Variants in STYXL2 observed in about 807,000 individuals in gnomAD.
STYXL2 encodes the protein serine/threonine/tyrosine-interacting-like protein 2.
A neutral mutation model predicts 52.4 loss-of-function variants in STYXL2; 44 were observed. The ratio of observed to expected loss-of-function variants is 0.84; its 90% CI spans 0.66 to 1.08. The LOEUF (loss-of-function observed/expected upper bound fraction) is 1.08, where lower values mean the gene tolerates loss of function less well. STYXL2 is among the 50% of genes least tolerant of loss of function. The probability of loss-of-function intolerance (pLI) is 0.00; values close to 1 mark genes in which losing one functional copy is unlikely to be tolerated. For synonymous variants in STYXL2, 604 were observed against 586.9 expected, an observed-to-expected ratio of 1.03 and a Z score of -0.42; for missense variants, 1,604 against 1,471.7, an observed-to-expected ratio of 1.09 and a Z score of -1.47.
chr1:167,101,010 A>C (rs1384051737), intron 2 of STYXL2, among the ~76,000 whole-genome samples: 1 of 152,242 alleles, frequency 6.6e-6, no homozygotes, highest in Non-Finnish European at 1.5e-5. Flanking sequence ...ATGAGTCTAC[A>C]GTGCTTTTTA....
In STYXL2 at chr1:167,113,700, C is replaced by T. The variant is rs1409970098; in HGVS notation, c.111-10C>T. On this transcript the variant is annotated splice_polypyrimidine_tract_variant and intron_variant, in intron 2 of 5. Coordinates refer to ENST00000361200, the MANE Select transcript of STYXL2 (RefSeq NM_001080426.3). ...CAGGCTTATCTCACGTGAATATCCT[C>T]TTCCCTTAGGTATTCGATGGTCTCA... 6.2e-7 allele frequency: 1 copy of T among 1,601,390 alleles called. No individual in the cohort carries two copies. Among genetic ancestry groups the T allele is most frequent in the East Asian group, 2.2e-5 (1 of 44,864 alleles).
Position 167,127,512 on chromosome 1 carries a change from A to T in STYXL2, c.2381A>T (p.Asp794Val). Residue 794 changes from aspartate (D) to valine (V), a missense_variant, in exon 6 of 6, where the codon GAC becomes GTC. By Grantham distance (152) the Asp-to-Val change is radical (BLOSUM62 -3). Transcript: ENST00000361200. ...LPQSQARPSS[D>V]MQSVLSCNTT... ...CAGAGCCAGGCAAGACCCAGCTCTGACATGCAGTCTGTGCTGTCCTGCAAC... is the reference window on the plus strand; with the variant it reads ...CAGAGCCAGGCAAGACCCAGCTCTGTCATGCAGTCTGTGCTGTCCTGCAAC... 1 of 1,614,080 alleles carries T rather than the reference A, an allele frequency of 6.2e-7. No homozygotes were observed. Among genetic ancestry groups the T allele is most frequent in the Non-Finnish European group, 8.5e-7 (1 of 1,179,998 alleles).
intron 3 of STYXL2, among the ~76,000 whole-genome samples, chr1:167,114,758 A>T (rs1281863223): frequency 6.6e-6 from 1 of 151,480 alleles, no homozygotes; most frequent in Non-Finnish European, 1.5e-5. Context: ...GCTTTGGGGG[A>T]TTTTTTTTCT....
intron 5 of STYXL2, among the ~76,000 whole-genome samples, chr1:167,122,516 AC>A (rs1479616789): frequency 6.6e-6 from 1 of 152,078 alleles, no homozygotes; most frequent in African/African-American, 2.4e-5. Context: ...GGAGGGGGAT[AC>A]CTTCTGAAGA....
chr1:167,119,494 C>T, intron 5 of STYXL2, 28 bp downstream of exon 5: 1 of 1,599,118 alleles, frequency 6.3e-7, no homozygotes. Flanking sequence ...CTCCAGGCTG[C>T]TGGAATTCCA....
chr1:167,120,298 G>A (rs1667823804), intron 5 of STYXL2, among the ~76,000 whole-genome samples: 1 of 152,210 alleles, frequency 6.6e-6, no homozygotes, highest in Admixed American at 6.5e-5. Context: ...TGAGGATATG[G>A]TGTCCAGAAA....
In STYXL2 at chr1:167,108,974, C is replaced by T. The variant is rs566918225; in HGVS notation, c.111-4736C>T. ...AAAATGAATTTAGAGAGCTGAGAAA[C>T]ATATAAAAGTAGAAGAAGCAGCAGG... On this transcript the variant is annotated intron_variant, in intron 2 of 5. Coordinates refer to ENST00000361200, the MANE Select transcript of STYXL2 (RefSeq NM_001080426.3). Among the ~76,000 whole-genome samples the T allele has an allele frequency of 3.3e-5, 5 of 152,196 alleles. No individual in the cohort carries two copies. In the South Asian group the frequency reaches 1.0e-3, roughly 32 times the overall value.
rs777621057 is a variant in STYXL2 at position 167,125,842 on chromosome 1, C to T, written c.711C>T (p.Val237=). ...MGISRSAVLV[V]AYLMIFHNMA... is the part of the protein sequence containing the mutation. ...TCAGCCGGTCAGCAGTGCTGGTGGT[C>T]GCCTACCTGATGATCTTCCACAACA... is the stretch of plus-strand genomic sequence containing the variant. The change falls in exon 6 of 6, where the codon GTC becomes GTT. Residue 237 remains valine, a synonymous_variant. Coordinates refer to ENST00000361200, the MANE Select transcript of STYXL2 (RefSeq NM_001080426.3). 3.7e-6 allele frequency: 6 copies of T among 1,613,416 alleles called. No homozygotes were observed. In the Admixed American group the frequency reaches 6.7e-5, roughly 18 times the overall value.
chr1:167,123,927 T>C (rs990017874), intron 5 of STYXL2, among the ~76,000 whole-genome samples: 21 of 151,664 alleles, frequency 1.4e-4, no homozygotes, highest in Non-Finnish European at 5.9e-5. Context: ...CCCTTGTTTG[T>C]TTATTTTTGA....
chr1:167,115,754 G>C (rs954752013), intron 3 of STYXL2, among the ~76,000 whole-genome samples: 1 of 152,180 alleles, frequency 6.6e-6, no homozygotes, highest in African/African-American at 2.4e-5. Context: ...AAACAAAATA[G>C]AGCTCTGGGA....
chr1:167,095,592 A>C (rs1667268398), intron 2 of STYXL2, among the ~76,000 whole-genome samples: 1 of 152,184 alleles, frequency 6.6e-6, no homozygotes, highest in African/African-American at 2.4e-5. Flanking sequence ...AGAATGAAAA[A>C]AATGTGCATA....
chr1:167,127,632 AG>A lies in STYXL2; in HGVS notation c.2503del (p.Glu835AsnfsTer59). 1 of 1,614,204 alleles carries A rather than the reference AG, an allele frequency of 6.2e-7. No individual in the cohort carries two copies. The highest frequency in any genetic ancestry group is 8.5e-7 in the Non-Finnish European group (1 of 1,180,034). On this transcript the variant is annotated frameshift_variant, in exon 6 of 6. Coordinates refer to ENST00000361200, the MANE Select transcript of STYXL2 (RefSeq NM_001080426.3). LOFTEE classifies it high-confidence loss of function. ...FSLFADNVDLKELGRKEKEMQ... is the reference protein window; with the variant it reads ...FSLFADNVDLXELGRKEKEMQ... ...CTCTTTGCTGACAATGTGGACCTAA[AG>A]GAACTTGGCCGGAAGGAGAAGGAGA...
rs957963313 is a variant in STYXL2, at chr1:167,100,696, C to T, written c.110+5737C>T. 1.4e-4 allele frequency among the ~76,000 whole-genome samples: 21 copies of T among 152,324 alleles called. No individual in the cohort carries two copies. The East Asian group carries it at 3.9e-3, about 28-fold the overall frequency. ...TGAACTTCCTTAAAACATGGCCCCA[C>T]ATCCAGAGCAAATGTTCTCTGGATT... is the stretch of plus-strand genomic sequence containing the variant. On this transcript the variant is annotated intron_variant, in intron 2 of 5. Coordinates refer to ENST00000361200, the MANE Select transcript of STYXL2 (RefSeq NM_001080426.3).
rs762804909 is a variant in STYXL2, at chr1:167,126,163, G to C, written c.1032G>C (p.Glu344Asp). 2.7e-6 allele frequency: 4 copies of C among 1,470,532 alleles called. No homozygotes were observed. The East Asian group carries it at 7.2e-5, about 26-fold the overall frequency. 91.1% of individuals were successfully genotyped at this position (1,470,532 alleles called of 1,614,324 possible). A position where few individuals can be genotyped will look rare whatever the true frequency, so the allele number is the denominator to read the frequency against. ...CCAAGCCCCTCACCCTCATAGACGA[G>C]GAGGAGGAGGAGAAACTGTACGAGC... Reference protein sequence around the residue: ...QASKPLTLIDEEEEEKLYEQW... With the variant: ...QASKPLTLIDDEEEEKLYEQW... The change falls in exon 6 of 6, where the codon GAG (glutamate) becomes GAC (aspartate). Residue 344 changes from glutamate (E) to aspartate (D), a missense_variant. Coordinates refer to ENST00000361200, the MANE Select transcript of STYXL2 (RefSeq NM_001080426.3).
chr1:167,117,118 C>T (rs1403752752), intron 3 of STYXL2, among the ~76,000 whole-genome samples: 1 of 152,200 alleles, frequency 6.6e-6, no homozygotes, highest in Non-Finnish European at 1.5e-5. Flanking sequence ...CACATCTATA[C>T]AGTCTTCTTG....
intron 2 of STYXL2, among the ~76,000 whole-genome samples, chr1:167,099,268 T>TA (rs199529574): frequency 1.3e-4 from 19 of 151,880 alleles, no homozygotes; most frequent in African/African-American, 1.7e-4. Flanking sequence ...ACTGATAAAA[T>TA]AAAAAAAATC....
At chr1:167,121,730 G>GC (rs1440831783) in intron 5 of STYXL2, among the ~76,000 whole-genome samples, 4 of 152,358 alleles carry the variant, frequency 2.6e-5, no homozygotes, top group Admixed American at 2.6e-4. Flanking sequence ...CTGGCCAGGA[G>GC]CCAGCGCGTC....
At chr1:167,117,634 A>G in intron 4 of STYXL2, 75 bp downstream of exon 4, 4 of 1,372,498 alleles carry the variant, frequency 2.9e-6, no homozygotes, top group East Asian at 2.5e-5. Flanking sequence ...AACTCCCCCA[A>G]CTTTCACCAA....
rs189126774 is a variant in STYXL2, at chr1:167,103,080, G to T, written c.110+8121G>T. Among the ~76,000 whole-genome samples, 720 of 146,426 alleles carry T rather than the reference G, an allele frequency of 4.9e-3. 8 individuals are homozygous for T. The highest frequency in any genetic ancestry group is 0.017 in the African/African-American group (689 of 40,534). ...CCTTGTCTCTTGCTCGTTTCTGTTG[G>T]CTACGGGCGTTTCTTGCATTGTGGC... On this transcript the variant is annotated intron_variant, in intron 2 of 5. Transcript: ENST00000361200.
Sources: allele counts gnomAD v4.1 joint callset (sites outside exome capture counted in the v4.1 genomes callset), GRCh38; gene constraint gnomAD v4.1.1; transcripts MANE v1.5; gene names NCBI Gene and HGNC (gene_info 2026-07-23, HGNC 2026-07-21).